Variants in ANKS1B observed in about 807,000 individuals in gnomAD.
ANKS1B encodes the protein ankyrin repeat and sterile alpha motif domain-containing protein 1B.
Under a neutral mutation model 148.3 loss-of-function variants are expected in ANKS1B, and 36 were observed. The ratio of observed to expected loss-of-function variants is 0.24; its 90% confidence interval spans 0.19 to 0.32. The LOEUF (loss-of-function observed/expected upper bound fraction) is 0.32, where lower values mean the gene tolerates loss of function less well. ANKS1B is among the 10% of genes least tolerant of loss of function. The pLI is 1.00. For synonymous variants in ANKS1B, 542 were observed against 560.8 expected (o/e 0.97, Z 0.47); for missense variants, 1,157 against 1,542.6 (o/e 0.75, Z 4.19).
intron 22 of ANKS1B, 30 bp from the exon 23 acceptor site, chr12:98,782,167 G>A (rs968784142): frequency 1.3e-6 from 2 of 1,579,702 alleles, no homozygotes; most frequent in Non-Finnish European, 1.7e-6. Context: ...AGACAGATGG[G>A]AACATAATAG....
intron 20 of ANKS1B, among the ~76,000 whole-genome samples, chr12:98,806,768 A>G (rs1179613125): frequency 6.6e-6 from 1 of 152,228 alleles, no homozygotes; most frequent in Non-Finnish European, 1.5e-5. Flanking sequence ...AGTTGGTTAT[A>G]CTGAATTTGT....
chr12:99,438,252 T>G (rs1450161975), intron 11 of ANKS1B, among the ~76,000 whole-genome samples: 1 of 151,954 alleles, frequency 6.6e-6, no homozygotes, highest in Non-Finnish European at 1.5e-5. Context: ...GAACATTAAA[T>G]TATATTAGGT....
chr12:98,921,564 T>C (rs910313405), intron 17 of ANKS1B, among the ~76,000 whole-genome samples: 3 of 152,210 alleles, frequency 2.0e-5, no homozygotes, highest in Non-Finnish European at 4.4e-5. Flanking sequence ...AAAGAAAATA[T>C]GTGACCCTTT....
intron 12 of ANKS1B, among the ~76,000 whole-genome samples, chr12:99,369,674 A>G (rs564186458): frequency 5.3e-5 from 8 of 152,166 alleles, no homozygotes; most frequent in Non-Finnish European, 1.0e-4. Flanking sequence ...CATTATCTCC[A>G]GAATTTATTT....
chr12:99,660,761 T>C (rs557149086), intron 8 of ANKS1B, among the ~76,000 whole-genome samples: 2 of 152,324 alleles, frequency 1.3e-5, no homozygotes, highest in South Asian at 4.1e-4. Context: ...TCCTCTTCCT[T>C]AAAACCTTCA....
chr12:98,884,429 T>C (rs984987088), intron 17 of ANKS1B, among the ~76,000 whole-genome samples: 8 of 152,374 alleles, frequency 5.3e-5, no homozygotes, highest in Admixed American at 1.3e-4. Flanking sequence ...TTGATTAGTA[T>C]ATATTCATCA....
At chr12:99,577,277 ACT>A (rs1199650964) in intron 9 of ANKS1B, among the ~76,000 whole-genome samples, 3 of 149,574 alleles carry the variant, frequency 2.0e-5, no homozygotes, top group East Asian at 2.0e-4. Flanking sequence ...GTCATTAAAA[ACT>A]CTCTGTTCAC....
chr12:98,747,593 C>T (rs1177405877), intron 26 of ANKS1B, among the ~76,000 whole-genome samples: 1 of 152,164 alleles, frequency 6.6e-6, no homozygotes, highest in African/African-American at 2.4e-5. Context: ...TTCCAGCAAC[C>T]CCACTACTGC....
intron 10 of ANKS1B, among the ~76,000 whole-genome samples, chr12:99,446,146 T>C (rs940360685): frequency 1.3e-5 from 2 of 151,438 alleles, no homozygotes; most frequent in African/African-American, 4.8e-5. Context: ...GGGGGAGTAA[T>C]CAGACTATGG....
At chr12:99,388,482 C>T (rs2093955926) in intron 12 of ANKS1B, among the ~76,000 whole-genome samples, 2 of 152,076 alleles carry the variant, frequency 1.3e-5, no homozygotes, top group Non-Finnish European at 2.9e-5. Flanking sequence ...GGAGAGGCAC[C>T]TTGAGGCCAG....
In ANKS1B at chr12:99,888,608, A is replaced by C. The variant is rs1007305335; in HGVS notation, c.135-63219T>G. 5.9e-5 allele frequency among the ~76,000 whole-genome samples: 9 copies of C among 152,260 alleles called. 1 individual carries two copies. The South Asian group carries it at 1.9e-3, about 32-fold the overall frequency. On this transcript the variant is annotated intron_variant, in intron 1 of 26. Transcript: ENST00000683438. ...TAGAAATATGTAGGCAAAGAGAAAA[A>C]AGATCGGCCAACTAAAACTACAGAC...
At chr12:98,937,327 G>A (rs71462255) in intron 17 of ANKS1B, among the ~76,000 whole-genome samples, 12,336 of 151,918 alleles carry the variant, frequency 0.081, 677 homozygotes, top group Admixed American at 0.17. Flanking sequence ...ATAGGGGTAG[G>A]TGATAAAAAT....
intron 10 of ANKS1B, among the ~76,000 whole-genome samples, chr12:99,496,971 G>C (rs1203576130): frequency 6.6e-6 from 1 of 152,052 alleles, no homozygotes; most frequent in Non-Finnish European, 1.5e-5. Context: ...ATTATGTATT[G>C]AATTTGTGTG....
chr12:99,789,516 A>T (rs1190367721), intron 4 of ANKS1B, among the ~76,000 whole-genome samples: 2 of 152,244 alleles, frequency 1.3e-5, no homozygotes, highest in Non-Finnish European at 2.9e-5. Flanking sequence ...CAGACAGAGA[A>T]TTCAAAATAG....
At chr12:98,898,394 T>C (rs2099767713) in intron 17 of ANKS1B, among the ~76,000 whole-genome samples, 2 of 152,296 alleles carry the variant, frequency 1.3e-5, no homozygotes, top group South Asian at 4.1e-4. Context: ...TTTTACTCTA[T>C]GGCACTAAAA....
At chr12:98,798,832 C>A in intron 22 of ANKS1B, 102 bp downstream of exon 22, 3 of 955,910 alleles carry the variant, frequency 3.1e-6, no homozygotes, top group Non-Finnish European at 4.7e-6. Context: ...ATTCAGCAGA[C>A]CAACAGATGG....
At chr12:99,802,193 G>GT (rs1268882790) in intron 4 of ANKS1B, among the ~76,000 whole-genome samples, 1 of 152,064 alleles carries the variant, frequency 6.6e-6, no homozygotes, top group Non-Finnish European at 1.5e-5. Flanking sequence ...TTAACTTTCT[G>GT]TAATTTTACT....
At chr12:99,915,574 G>T (rs1266668635) in intron 1 of ANKS1B, among the ~76,000 whole-genome samples, 1 of 152,226 alleles carries the variant, frequency 6.6e-6, no homozygotes, top group Non-Finnish European at 1.5e-5. Context: ...TTAGCCATCA[G>T]AAGCAAGGTG....
chr12:99,585,161 A>G (rs531890842), intron 9 of ANKS1B, among the ~76,000 whole-genome samples: 1 of 152,296 alleles, frequency 6.6e-6, no homozygotes, highest in South Asian at 2.1e-4. Context: ...TAAGTTAGTT[A>G]CTTCCTAGAT....
Sources: allele counts gnomAD v4.1 joint callset (sites outside exome capture counted in the v4.1 genomes callset), GRCh38; gene constraint gnomAD v4.1.1; transcripts MANE v1.5; gene names NCBI Gene and HGNC (gene_info 2026-07-23, HGNC 2026-07-21).